The following AFF1 variants were observed in gnomAD, a reference collection of about 807,000 sequenced individuals.
The protein encoded by AFF1 is AF4/FMR2 family member 1.
In AFF1, 48 loss-of-function variants were observed where a neutral mutation model predicts 121.7. The ratio of observed to expected loss-of-function variants is 0.39; its 90% CI spans 0.31 to 0.50. The LOEUF is 0.50. Ranked by LOEUF, AFF1 falls within the 20% of genes least tolerant of loss-of-function variation. The probability of loss-of-function intolerance (pLI) is 0.76; values close to 1 mark genes in which losing one functional copy is unlikely to be tolerated. For synonymous variants in AFF1, 613 were observed against 563.0 expected, an observed-to-expected ratio of 1.09 and a Z score of -1.26; for missense variants, 1,523 against 1,511.7, an observed-to-expected ratio of 1.01 and a Z score of -0.12.
At chr4:87,089,274 TCAA>T (rs1724059791) in intron 5 of AFF1, among the ~76,000 whole-genome samples, 1 of 152,330 alleles carries the variant, frequency 6.6e-6, no homozygotes, top group African/African-American at 2.4e-5. Flanking sequence ...ATACCTGTTT[TCAA>T]CAAGTATTTT....
Position 87,087,197 on chromosome 4 carries a change from A to G in AFF1, c.1105-2787A>G, listed in dbSNP as rs543314751. On this transcript the variant is annotated intron_variant, in intron 5 of 20. Transcript: ENST00000395146. ...TACAATGAGTGGTAGCACTATTTAT[A>G]TGTTCATTTGTTTATTCAACAAATA... Among the ~76,000 whole-genome samples, 3 of 152,362 alleles carry G rather than the reference A, an allele frequency of 2.0e-5. No homozygotes were observed. The South Asian group carries it at 6.2e-4, about 32-fold the overall frequency.
At chr4:86,981,395 TCTCA>T (rs1723745329) in intron 2 of AFF1, among the ~76,000 whole-genome samples, 1 of 151,790 alleles carries the variant, frequency 6.6e-6, no homozygotes, top group Non-Finnish European at 1.5e-5. Flanking sequence ...TGAGATGGAG[TCTCA>T]CTCTGTTGCT....
In AFF1 at chr4:87,131,789, A is replaced by G. The variant is rs535074027; in HGVS notation, c.3102-4A>G. 27 of 1,590,838 alleles carry G rather than the reference A, an allele frequency of 1.7e-5. No individual in the cohort carries two copies. Among genetic ancestry groups the G allele is most frequent in the African/African-American group, 6.8e-5 (5 of 74,038 alleles). ...ACCTGATGTACTTTTATATTTTCCT[A>G]TAGATTCATAATGTCATTAAAATCC... On this transcript the variant is annotated splice_region_variant and splice_polypyrimidine_tract_variant and intron_variant, in intron 17 of 20. Transcript: ENST00000395146.
chr4:87,105,928 T>G, intron 10 of AFF1, 83 bp downstream of exon 10: 1 of 1,517,098 alleles, frequency 6.6e-7, no homozygotes, highest in Non-Finnish European at 9.1e-7. Context: ...ATTTAGTACT[T>G]TCACATTTTT....
At chr4:87,017,382 C>T (rs771400785) in intron 2 of AFF1, among the ~76,000 whole-genome samples, 6 of 151,784 alleles carry the variant, frequency 4.0e-5, no homozygotes, top group Non-Finnish European at 8.8e-5. Context: ...CTTAAAACAC[C>T]GCTCATTTTC....
intron 12 of AFF1, among the ~76,000 whole-genome samples, chr4:87,116,915 G>A (rs1004367849): frequency 6.6e-6 from 1 of 152,126 alleles, no homozygotes; most frequent in Non-Finnish European, 1.5e-5. Flanking sequence ...AAAGATACCT[G>A]CAGCTGATAC....
chr4:87,030,197 A>G (rs1728932281), intron 2 of AFF1, among the ~76,000 whole-genome samples: 1 of 152,070 alleles, frequency 6.6e-6, no homozygotes, highest in South Asian at 2.1e-4. Flanking sequence ...GGGGTCAACA[A>G]ACCTTTTCTG....
At chr4:87,050,940 T>C (rs1019756412) in intron 4 of AFF1, among the ~76,000 whole-genome samples, 1 of 152,224 alleles carries the variant, frequency 6.6e-6, no homozygotes, top group African/African-American at 2.4e-5. Flanking sequence ...CTCATGCACA[T>C]GGACCCCGAG....
intron 2 of AFF1, among the ~76,000 whole-genome samples, chr4:87,018,096 A>G (rs564832834): frequency 6.6e-6 from 1 of 152,384 alleles, no homozygotes; most frequent in East Asian, 1.9e-4. Flanking sequence ...CGTAAGAATT[A>G]TATCAGTATC....
intron 2 of AFF1, among the ~76,000 whole-genome samples, chr4:87,004,930 A>T (rs970068053): frequency 1.1e-4 from 16 of 152,204 alleles, no homozygotes; most frequent in Admixed American, 3.3e-4. Flanking sequence ...TGAGCTTTTT[A>T]AAAAAACTAA....
intron 16 of AFF1, among the ~76,000 whole-genome samples, chr4:87,129,678 A>G (rs1474310156): frequency 6.6e-6 from 1 of 152,194 alleles, no homozygotes; most frequent in East Asian, 1.9e-4. Flanking sequence ...TTTTTTGATT[A>G]AGTTACCTTT....
At chr4:87,080,451 G>C (rs1020521077) in intron 4 of AFF1, among the ~76,000 whole-genome samples, 3 of 152,220 alleles carry the variant, frequency 2.0e-5, no homozygotes, top group Non-Finnish European at 2.9e-5. Flanking sequence ...TTTATTCTTT[G>C]ACCATGGTGT....
intron 4 of AFF1, among the ~76,000 whole-genome samples, chr4:87,078,660 G>C (rs1461774330): frequency 6.6e-6 from 1 of 152,160 alleles, no homozygotes; most frequent in East Asian, 1.9e-4. Flanking sequence ...CTCCAGATCG[G>C]GGCAAGAAAA....
intron 2 of AFF1, among the ~76,000 whole-genome samples, chr4:86,996,000 C>T (rs1725148170): frequency 2.0e-5 from 3 of 150,950 alleles, no homozygotes; most frequent in Admixed American, 1.3e-4. Context: ...GCCCGGCAGC[C>T]GCCCCGTCTG....
Position 86,986,025 on chromosome 4 carries a change from A to AAATTT in AFF1, c.38+37459_38+37463dup, listed in dbSNP as rs1208663779. Among the ~76,000 whole-genome samples, 137 of 136,530 alleles carry AAATTT rather than the reference A, an allele frequency of 1.0e-3. 1 individual carries two copies. The highest frequency in any genetic ancestry group is 7.2e-3 in the Middle Eastern group (2 of 276). 89.6% of individuals were successfully genotyped at this position (136,530 alleles called of 152,430 possible). On this transcript the variant is annotated intron_variant, in intron 2 of 20. Coordinates refer to ENST00000395146, the MANE Select transcript of AFF1 (RefSeq NM_001166693.3). ...ATTAAACACCTGAATCCTTTTTTTA[A>AAATTT]AATTTAATTCAATTCAATTTAATTT... is the stretch of plus-strand genomic sequence containing the variant.
intron 2 of AFF1, among the ~76,000 whole-genome samples, chr4:86,973,230 C>T (rs1234016264): frequency 6.6e-6 from 1 of 152,080 alleles, no homozygotes; most frequent in Non-Finnish European, 1.5e-5. Flanking sequence ...CCTTTGGCAG[C>T]CAACTGTGGA....
chr4:87,113,290 C>CT (rs113469896), intron 11 of AFF1, among the ~76,000 whole-genome samples: 204 of 148,924 alleles, frequency 1.4e-3, no homozygotes, highest in South Asian at 5.4e-3. Flanking sequence ...GATGTATGAC[C>CT]TTTTTTTTTT....
At chr4:86,945,675 A>AT (rs1317029581) in intron 1 of AFF1, among the ~76,000 whole-genome samples, 8 of 151,132 alleles carry the variant, frequency 5.3e-5, no homozygotes, top group Non-Finnish European at 1.2e-4. Context: ...TAATTTTTCT[A>AT]TTTTTGTAGA....
chr4:87,080,302 A>T (rs1723042865), intron 4 of AFF1, among the ~76,000 whole-genome samples: 1 of 152,056 alleles, frequency 6.6e-6, no homozygotes, highest in East Asian at 1.9e-4. Context: ...TACAAACTAG[A>T]TTTTCTTGAT....
Sources: gnomAD v4.1 joint callset for allele counts (sites outside exome capture counted in the v4.1 genomes callset) on GRCh38, gnomAD v4.1.1 for gene constraint, MANE v1.5 for transcripts, NCBI Gene and HGNC (gene_info 2026-07-23, HGNC 2026-07-21) for gene names.